SNX29: variants seen among roughly 807,000 people sequenced by gnomAD.
SNX29 encodes sorting nexin 29.
SNX29 carries 78 observed loss-of-function variants against 102.1 expected under a neutral mutation model. That is an observed-to-expected ratio of 0.76 (90% confidence interval 0.64 to 0.92). The LOEUF (loss-of-function observed/expected upper bound fraction) is 0.92. Ranked by LOEUF, SNX29 falls within the 40% of genes least tolerant of loss-of-function variation. The pLI is 0.00. For synonymous variants in SNX29, 580 were observed against 414.5 expected, an observed-to-expected ratio of 1.40 and a Z score of -4.85; for missense variants, 1,280 against 1,061.7, an observed-to-expected ratio of 1.21 and a Z score of -2.86.
chr16:12,489,818 T>G (rs374915544), intron 19 of SNX29, among the ~76,000 whole-genome samples: 93 of 152,306 alleles, frequency 6.1e-4, no homozygotes, highest in African/African-American at 1.9e-3. Flanking sequence ...CTTTTTCTTT[T>G]TTTTCGAGAT....
At chr16:12,405,314 T>A (rs6498291) in intron 18 of SNX29, among the ~76,000 whole-genome samples, 108,961 of 152,124 alleles carry the variant, frequency 0.72, 39,267 homozygotes, top group African/African-American at 0.79. Flanking sequence ...AAGCTATGAA[T>A]TGAGACGGAC....
At chr16:12,248,435 A>C (rs1596626093) in intron 14 of SNX29, among the ~76,000 whole-genome samples, 3 of 144,060 alleles carry the variant, frequency 2.1e-5, no homozygotes, top group East Asian at 2.0e-4. Flanking sequence ...TCACTCTATC[A>C]CCCAGGCTGG....
rs117445674 is a variant in SNX29 at position 12,559,248 on chromosome 16, C to T, written c.2319-9258C>T. 4.5e-3 allele frequency among the ~76,000 whole-genome samples: 681 copies of T among 152,186 alleles called. 3 individuals are homozygous for T. The highest frequency in any genetic ancestry group is 6.4e-3 in the Non-Finnish European group (436 of 68,022). On this transcript the variant is annotated intron_variant, in intron 20 of 20. Coordinates refer to ENST00000566228, the MANE Select transcript of SNX29 (RefSeq NM_032167.5). ...AGCCACTCCCCATCACTCGCATCACCGCCTGAGCTCTGCCTGTCAGATCAG... is the reference window on the plus strand; with the variant it reads ...AGCCACTCCCCATCACTCGCATCACTGCCTGAGCTCTGCCTGTCAGATCAG...
At chr16:12,506,470 G>A (rs1471126405) in intron 19 of SNX29, among the ~76,000 whole-genome samples, 3 of 152,198 alleles carry the variant, frequency 2.0e-5, no homozygotes, top group Non-Finnish European at 2.9e-5. Context: ...TGCTGGACAG[G>A]CAAGAGTTAG....
chr16:12,052,987 C>G (rs924350245), intron 8 of SNX29: 1 of 152,476 alleles, frequency 6.6e-6, no homozygotes, highest in Admixed American at 6.5e-5. Flanking sequence ...TTGCCTGCAC[C>G]TGCTGCCTTA....
chr16:12,392,074 G>C (rs982285877), intron 16 of SNX29, among the ~76,000 whole-genome samples: 1 of 152,184 alleles, frequency 6.6e-6, no homozygotes. Context: ...ATATAGACAC[G>C]TGTGTCTCCC....
chr16:12,068,790 C>T (rs1305164584), intron 9 of SNX29, among the ~76,000 whole-genome samples: 1 of 152,196 alleles, frequency 6.6e-6, no homozygotes, highest in Non-Finnish European at 1.5e-5. Flanking sequence ...GGTGATCCAC[C>T]TCCCAAAGTG....
chr16:12,450,376 T>A (rs2086250885), intron 18 of SNX29, among the ~76,000 whole-genome samples: 1 of 152,192 alleles, frequency 6.6e-6, no homozygotes, highest in Admixed American at 6.5e-5. Context: ...TTTCTTCTCA[T>A]GGGCAGGAGT....
intron 14 of SNX29, among the ~76,000 whole-genome samples, chr16:12,273,627 G>A (rs1189527249): frequency 6.6e-6 from 1 of 152,048 alleles, no homozygotes; most frequent in Non-Finnish European, 1.5e-5. Context: ...CAATGTGCTG[G>A]GATTACAGGC....
chr16:12,559,989 T>C (rs1365135366), intron 20 of SNX29, among the ~76,000 whole-genome samples: 2 of 152,116 alleles, frequency 1.3e-5, no homozygotes, highest in Non-Finnish European at 2.9e-5. Flanking sequence ...GAAAAAAAGA[T>C]TTTGCAAGCA....
intron 20 of SNX29, among the ~76,000 whole-genome samples, chr16:12,565,327 G>C (rs1398678670): frequency 6.6e-6 from 1 of 152,192 alleles, no homozygotes; most frequent in Non-Finnish European, 1.5e-5. Context: ...GTGCTCAGCA[G>C]TCTGGGTTTT....
chr16:12,054,484 C>G (rs758472675), intron 8 of SNX29, among the ~76,000 whole-genome samples: 1 of 152,326 alleles, frequency 6.6e-6, no homozygotes, highest in East Asian at 1.9e-4. Context: ...GGACCTCATC[C>G]AATCCATTGA....
chr16:12,308,134 G>C (rs1394972668), intron 15 of SNX29, among the ~76,000 whole-genome samples: 3 of 152,354 alleles, frequency 2.0e-5, no homozygotes, highest in East Asian at 3.9e-4. Flanking sequence ...GTGATGCATG[G>C]TCTCTGCTCT....
intron 20 of SNX29, among the ~76,000 whole-genome samples, chr16:12,565,934 G>C (rs752133887): frequency 2.6e-5 from 4 of 152,114 alleles, no homozygotes; most frequent in Non-Finnish European, 4.4e-5. Flanking sequence ...CATCTGTCCA[G>C]TGTCTGCCCT....
At chr16:12,041,175 G>A (rs1220892730) in intron 4 of SNX29, among the ~76,000 whole-genome samples, 1 of 151,936 alleles carries the variant, frequency 6.6e-6, no homozygotes, top group Non-Finnish European at 1.5e-5. Context: ...ACAGTGGTGC[G>A]ATCTTGGCTC....
rs1367853498 is a variant in SNX29, at chr16:12,573,939, T to C, written c.*5310T>C. ...CCGACTTCTTAGAGAAGCGAGTCTTTTTTGAATGGAGGAGCGATGGTAACC... is the reference window on the plus strand; with the variant it reads ...CCGACTTCTTAGAGAAGCGAGTCTTCTTTGAATGGAGGAGCGATGGTAACC... On this transcript the variant is annotated 3_prime_UTR_variant, in exon 21 of 21. Coordinates refer to ENST00000566228, the MANE Select transcript of SNX29 (RefSeq NM_032167.5). The C allele has an allele frequency of 5.0e-6, 1 of 200,582 alleles. No individual in the cohort carries two copies. The highest frequency in any genetic ancestry group is 1.0e-5 in the Non-Finnish European group (1 of 97,274). The allele number at this position is 200,582 out of a possible 1,614,324, so 12.4% of individuals were successfully genotyped here. A position where few individuals can be genotyped will look rare whatever the true frequency, so the allele number is the denominator to read the frequency against.
At chr16:12,538,612 G>A (rs2077183585) in intron 20 of SNX29, among the ~76,000 whole-genome samples, 1 of 152,160 alleles carries the variant, frequency 6.6e-6, no homozygotes, top group South Asian at 2.1e-4. Context: ...GGATGCAGGA[G>A]GGCCTTGACT....
chr16:12,437,799 C>G (rs2085604448), intron 18 of SNX29, among the ~76,000 whole-genome samples: 1 of 152,112 alleles, frequency 6.6e-6, no homozygotes, highest in Non-Finnish European at 1.5e-5. Context: ...ATGTCTTTTT[C>G]GGCTGCACCA....
At chr16:12,139,988 A>G (rs1351857290) in intron 13 of SNX29, among the ~76,000 whole-genome samples, 1 of 151,228 alleles carries the variant, frequency 6.6e-6, no homozygotes, top group African/African-American at 2.4e-5. Context: ...CTCAAAAAAA[A>G]AAAAAAAAAA....
Sources: gnomAD v4.1 joint callset for allele counts (sites outside exome capture counted in the v4.1 genomes callset) on GRCh38, gnomAD v4.1.1 for gene constraint, MANE v1.5 for transcripts, NCBI Gene and HGNC (gene_info 2026-07-23, HGNC 2026-07-21) for gene names.